Variants in GALNT10 observed in about 807,000 individuals in gnomAD.
GALNT10 encodes the protein GalNAc transferase 10.
Under a neutral mutation model 75.0 loss-of-function variants are expected in GALNT10, and 41 were observed. That is an observed-to-expected ratio of 0.55 (90% CI 0.43 to 0.71). The LOEUF is 0.71. GALNT10 is among the 30% of genes least tolerant of loss of function. The pLI, the probability that GALNT10 is intolerant of heterozygous loss-of-function variation, is 0.00. For missense variants in GALNT10, 727 were observed against 818.5 expected (o/e 0.89, Z 1.36); for synonymous variants, 302 against 313.0 (o/e 0.96, Z 0.37).
intron 1 of GALNT10, among the ~76,000 whole-genome samples, chr5:154,197,517 T>C (rs1209457810): frequency 6.6e-6 from 1 of 152,136 alleles, no homozygotes; most frequent in Non-Finnish European, 1.5e-5. Flanking sequence ...TTTGAATGGT[T>C]CCTGTTTGCT....
At chr5:154,370,237 C>T (rs542408393) in intron 4 of GALNT10, among the ~76,000 whole-genome samples, 1 of 152,350 alleles carries the variant, frequency 6.6e-6, no homozygotes, top group East Asian at 1.9e-4. Flanking sequence ...GCAGACGCCT[C>T]TGGCTTGGGT....
At chr5:154,414,775 A>T (rs1756472235) in intron 10 of GALNT10, among the ~76,000 whole-genome samples, 1 of 152,228 alleles carries the variant, frequency 6.6e-6, no homozygotes, top group African/African-American at 2.4e-5. Flanking sequence ...ACTGAAAAGT[A>T]ACAAAGGTTA....
intron 1 of GALNT10, among the ~76,000 whole-genome samples, chr5:154,268,142 C>T (rs772216513): frequency 2.6e-5 from 4 of 152,160 alleles, no homozygotes; most frequent in African/African-American, 9.7e-5. Flanking sequence ...TCAGATGGTA[C>T]ATACAATTAA....
chr5:154,355,252 C>G (rs76762598), intron 4 of GALNT10, among the ~76,000 whole-genome samples: 315 of 152,318 alleles, frequency 2.1e-3, no homozygotes, highest in African/African-American at 7.3e-3. Flanking sequence ...GCTCCTCCCC[C>G]CTCACCCTCT....
intron 1 of GALNT10, among the ~76,000 whole-genome samples, chr5:154,256,927 T>A (rs1429102095): frequency 6.6e-6 from 1 of 152,074 alleles, no homozygotes; most frequent in Non-Finnish European, 1.5e-5. Flanking sequence ...CATTAACTCT[T>A]TGGTTTTCAT....
At chr5:154,367,626 G>A (rs1201407651) in intron 4 of GALNT10, among the ~76,000 whole-genome samples, 2 of 152,110 alleles carry the variant, frequency 1.3e-5, no homozygotes, top group African/African-American at 4.8e-5. Flanking sequence ...AGGCCGAGGT[G>A]GGCGGATCAT....
intron 3 of GALNT10, among the ~76,000 whole-genome samples, chr5:154,325,844 G>A (rs574869447): frequency 2.6e-5 from 4 of 152,216 alleles, no homozygotes; most frequent in South Asian, 2.1e-4. Context: ...CTTATGTTTA[G>A]CATTGTACTG....
chr5:154,377,220 G>T (rs1022071794), intron 5 of GALNT10, among the ~76,000 whole-genome samples: 1 of 152,210 alleles, frequency 6.6e-6, no homozygotes, highest in Non-Finnish European at 1.5e-5. Flanking sequence ...ATCTTGAGGA[G>T]TTCGGTTTTG....
At chr5:154,287,713 A>G (rs1034731177) in intron 1 of GALNT10, among the ~76,000 whole-genome samples, 2 of 152,188 alleles carry the variant, frequency 1.3e-5, no homozygotes, top group Non-Finnish European at 2.9e-5. Context: ...TAGGCCCTCA[A>G]TAATCATTGT....
At chr5:154,398,311 G>A (rs544982618) in intron 7 of GALNT10, among the ~76,000 whole-genome samples, 346 of 152,336 alleles carry the variant, frequency 2.3e-3, no homozygotes, top group African/African-American at 8.1e-3. Flanking sequence ...ACAAGGAGAG[G>A]AACTGCAAAA....
chr5:154,222,280 A>G (rs1401400949), intron 1 of GALNT10, among the ~76,000 whole-genome samples: 38 of 148,652 alleles, frequency 2.6e-4, no homozygotes, highest in Non-Finnish European at 3.0e-5. Flanking sequence ...ACATTCATCC[A>G]TGTTCTTGTG....
chr5:154,279,554 C>T (rs1044677880), intron 1 of GALNT10, among the ~76,000 whole-genome samples: 5 of 151,864 alleles, frequency 3.3e-5, no homozygotes, highest in African/African-American at 1.2e-4. Flanking sequence ...CCACCTGCCT[C>T]GGCCTCCCAA....
At chr5:154,400,919 C>G (rs747927669) in intron 7 of GALNT10, among the ~76,000 whole-genome samples, 1 of 152,102 alleles carries the variant, frequency 6.6e-6, no homozygotes, top group Non-Finnish European at 1.5e-5. Flanking sequence ...CTCAAAGGAC[C>G]CAGGAGTGAA....
At chr5:154,315,740 C>G (rs1451402160) in intron 3 of GALNT10, among the ~76,000 whole-genome samples, 3 of 152,192 alleles carry the variant, frequency 2.0e-5, no homozygotes. Flanking sequence ...CTTCTTCAGC[C>G]AGGGCTGTGG....
At chr5:154,239,439 G>A (rs971196912) in intron 1 of GALNT10, among the ~76,000 whole-genome samples, 1 of 152,242 alleles carries the variant, frequency 6.6e-6, no homozygotes, top group South Asian at 2.1e-4. Context: ...CCTCCTGTCA[G>A]ATCAGCTGTG....
chr5:154,406,548 G>A (rs10036030), intron 8 of GALNT10, among the ~76,000 whole-genome samples: 65 of 152,332 alleles, frequency 4.3e-4, no homozygotes, highest in African/African-American at 1.5e-3. Flanking sequence ...TGTAATCCCA[G>A]CAGTTTGGGA....
intron 1 of GALNT10, among the ~76,000 whole-genome samples, chr5:154,264,115 C>G (rs1312677883): frequency 6.6e-6 from 1 of 151,978 alleles, no homozygotes; most frequent in Non-Finnish European, 1.5e-5. Context: ...GAGTTGGAGA[C>G]CAGCCTGGCC....
At chr5:154,250,383 A>G (rs1235251259) in intron 1 of GALNT10, among the ~76,000 whole-genome samples, 1 of 152,190 alleles carries the variant, frequency 6.6e-6, no homozygotes, top group Non-Finnish European at 1.5e-5. Context: ...GACCCAGCTC[A>G]TTTAAATGAT....
intron 5 of GALNT10, among the ~76,000 whole-genome samples, chr5:154,377,466 A>G (rs1755665576): frequency 6.6e-6 from 1 of 152,210 alleles, no homozygotes; most frequent in Non-Finnish European, 1.5e-5. Flanking sequence ...ATCACCTGAA[A>G]GACTGTGAAA....
Sources: allele counts gnomAD v4.1 joint callset (sites outside exome capture counted in the v4.1 genomes callset), GRCh38; gene constraint gnomAD v4.1.1; transcripts MANE v1.5; gene names NCBI Gene and HGNC (gene_info 2026-07-23, HGNC 2026-07-21).